Variants in PLOD2 observed in about 807,000 individuals in gnomAD.
PLOD2 encodes the protein lysine hydroxylase 2.
PLOD2 carries 65 observed loss-of-function variants against 101.0 expected under a neutral mutation model. The observed-to-expected ratio is 0.64, with a 90% confidence interval of 0.53 to 0.79. The LOEUF (loss-of-function observed/expected upper bound fraction) is 0.79, where lower values mean the gene tolerates loss of function less well. Ranked by LOEUF, PLOD2 falls within the 30% of genes least tolerant of loss-of-function variation. PLOD2 has a pLI of 0.00. For synonymous variants in PLOD2, 314 were observed against 302.9 expected (o/e 1.04, Z -0.38); for missense variants, 909 against 914.6 (o/e 0.99, Z 0.08).
At chr3:146,140,062 GCT>G (rs1254328551) in intron 1 of PLOD2, among the ~76,000 whole-genome samples, 1 of 151,992 alleles carries the variant, frequency 6.6e-6, no homozygotes, top group Non-Finnish European at 1.5e-5. Context: ...TCATAAAATA[GCT>G]CTCTTTTGAA....
At chr3:146,094,197 C>T (rs150540561) in intron 7 of PLOD2, among the ~76,000 whole-genome samples, 318 of 152,334 alleles carry the variant, frequency 2.1e-3, no homozygotes, top group African/African-American at 7.4e-3. Flanking sequence ...TTTTCATTGA[C>T]AGAGAAACTT....
At chr3:146,080,202 G>A (rs1040110187) in intron 12 of PLOD2, among the ~76,000 whole-genome samples, 12 of 151,756 alleles carry the variant, frequency 7.9e-5, no homozygotes, top group Non-Finnish European at 1.5e-4. Flanking sequence ...ATGCTTGAAA[G>A]CAGATAGTAA....
chr3:146,071,010 G>C (rs1193749481), intron 19 of PLOD2, 32 bp downstream of exon 19: 1 of 1,584,084 alleles, frequency 6.3e-7, no homozygotes, highest in Non-Finnish European at 8.7e-7. Context: ...TATTTCTTTT[G>C]AAAAATCTAA....
chr3:146,111,843 T>C (rs568032486), intron 3 of PLOD2, among the ~76,000 whole-genome samples: 347 of 124,546 alleles, frequency 2.8e-3, no homozygotes, highest in African/African-American at 8.9e-3. Context: ...AAGTTGTTGA[T>C]AATTTTTTTT....
At chr3:146,091,706 T>C (rs1175688347) in intron 8 of PLOD2, 94 bp downstream of exon 8, 2 of 737,522 alleles carry the variant, frequency 2.7e-6, no homozygotes, top group Non-Finnish European at 2.5e-6. Flanking sequence ...AAATCAAAAC[T>C]ATAAAATAAT....
At chr3:146,135,692 T>C (rs1010257996) in intron 1 of PLOD2, among the ~76,000 whole-genome samples, 13 of 152,186 alleles carry the variant, frequency 8.5e-5, no homozygotes, top group African/African-American at 2.2e-4. Context: ...CTTTAAGAGA[T>C]ATTTTAATGC....
At chr3:146,118,623 T>G (rs974367414) in intron 3 of PLOD2, among the ~76,000 whole-genome samples, 17 of 151,438 alleles carry the variant, frequency 1.1e-4, no homozygotes, top group Non-Finnish European at 1.9e-4. Context: ...ACACAGAAAA[T>G]AAAATAAAGG....
chr3:146,128,074 A>T (rs1043784952), intron 1 of PLOD2, among the ~76,000 whole-genome samples: 1 of 152,176 alleles, frequency 6.6e-6, no homozygotes, highest in African/African-American at 2.4e-5. Context: ...ATCTTTTAGC[A>T]GACTGACACA....
At chr3:146,103,351 A>C (rs568794331) in intron 6 of PLOD2, among the ~76,000 whole-genome samples, 1 of 152,306 alleles carries the variant, frequency 6.6e-6, no homozygotes, top group South Asian at 2.1e-4. Context: ...CCAGTTCTTA[A>C]AAATCAGACT....
chr3:146,071,486 G>C lies in PLOD2; in HGVS notation c.1849-63C>G. On this transcript the variant is annotated intron_variant, in intron 17 of 19. Coordinates refer to ENST00000282903, the MANE Select transcript of PLOD2 (RefSeq NM_182943.3). ...ACGTGCAATTCCCATTTATATTATA[G>C]TATTTTTTTTCAACCACAGATCATA... The C allele has an allele frequency of 2.0e-6, 3 of 1,491,942 alleles. No homozygotes were observed. The Admixed American group carries it at 5.0e-5, about 25-fold the overall frequency. The allele number at this position is 1,491,942 out of a possible 1,614,324, so 92.4% of individuals were successfully genotyped here.
At position 146,147,501 on chromosome 3, in the gene PLOD2, A is replaced by C. The variant is rs529601543; in HGVS notation, c.109+13380T>G. On this transcript the variant is annotated intron_variant, in intron 1 of 19. Coordinates refer to ENST00000282903, the MANE Select transcript of PLOD2 (RefSeq NM_182943.3). ...GTTTCCCAACTTCAGCACTATTGACATTTGGGGCCAGATAATTCTTTCTTG... is the reference window on the plus strand; with the variant it reads ...GTTTCCCAACTTCAGCACTATTGACCTTTGGGGCCAGATAATTCTTTCTTG... 7.9e-5 allele frequency among the ~76,000 whole-genome samples: 12 copies of C among 152,266 alleles called. 1 individual carries two copies. The South Asian group carries it at 2.3e-3, about 29-fold the overall frequency.
intron 15 of PLOD2, among the ~76,000 whole-genome samples, chr3:146,075,538 G>A (rs577414548): frequency 7.0e-6 from 1 of 141,922 alleles, no homozygotes; most frequent in South Asian, 2.3e-4. Context: ...AAAGGAAATT[G>A]TTTCTTCAAG....
chr3:146,077,129 G>GAAAAAAA, intron 14 of PLOD2: 1 of 1,164,816 alleles, frequency 8.6e-7, no homozygotes, highest in Non-Finnish European at 1.1e-6. Context: ...CTGAAAAAAA[G>GAAAAAAA]AAGAATGGAC....
At chr3:146,132,121 T>C (rs12632001) in intron 1 of PLOD2, among the ~76,000 whole-genome samples, 37,873 of 152,014 alleles carry the variant, frequency 0.25, 4,887 homozygotes, top group Non-Finnish European at 0.29. Context: ...CTCTGGACAA[T>C]GAACAGACAA....
intron 11 of PLOD2, among the ~76,000 whole-genome samples, chr3:146,082,438 C>T (rs534158117): frequency 5.9e-5 from 9 of 152,286 alleles, no homozygotes; most frequent in African/African-American, 1.7e-4. Context: ...CTTGTGATTA[C>T]AGTAAGCTAG....
chr3:146,111,839 T>C (rs575821300), intron 3 of PLOD2, among the ~76,000 whole-genome samples: 23 of 127,762 alleles, frequency 1.8e-4, no homozygotes, highest in Admixed American at 4.8e-4. Flanking sequence ...CTATAAGTTG[T>C]TGATAATTTT....
chr3:146,148,447 T>C (rs1010282619), intron 1 of PLOD2, among the ~76,000 whole-genome samples: 1 of 150,918 alleles, frequency 6.6e-6, no homozygotes, highest in Non-Finnish European at 1.5e-5. Flanking sequence ...ATACGAAGAA[T>C]AAATCAGAGG....
At chr3:146,081,636 A>G in intron 12 of PLOD2, 102 bp downstream of exon 12, 1 of 902,892 alleles carries the variant, frequency 1.1e-6, no homozygotes, top group South Asian at 1.5e-5. Flanking sequence ...CATTAACTAT[A>G]AAGAAAAGAG....
chr3:146,125,871 CATTTT>C (rs2030532924), intron 1 of PLOD2, among the ~76,000 whole-genome samples: 1 of 152,120 alleles, frequency 6.6e-6, no homozygotes, highest in Admixed American at 6.6e-5. Context: ...GGGAATACCA[CATTTT>C]ATTTTATAAG....
Sources: allele counts gnomAD v4.1 joint callset (sites outside exome capture counted in the v4.1 genomes callset), GRCh38; gene constraint gnomAD v4.1.1; transcripts MANE v1.5; gene names NCBI Gene and HGNC (gene_info 2026-07-23, HGNC 2026-07-21).